Variants in UMAD1 observed in about 807,000 individuals in gnomAD.
The protein encoded by UMAD1 is UBAP1-MVB12-associated (UMA)-domain containing protein 1.
Under a neutral mutation model 6.1 loss-of-function variants are expected in UMAD1, and 8 were observed. That is an observed-to-expected ratio of 1.30 (90% CI 0.76 to 2.35). UMAD1 has a LOEUF of 2.35. Ranked by LOEUF, UMAD1 falls within the 30% of genes most tolerant of loss-of-function variation. The pLI is 0.00. For synonymous variants in UMAD1, 56 were observed against 31.4 expected, an observed-to-expected ratio of 1.78 and a Z score of -2.61; for missense variants, 130 against 78.4, an observed-to-expected ratio of 1.66 and a Z score of -2.49.
At chr7:7,698,103 A>C (rs748289996) in intron 2 of UMAD1, among the ~76,000 whole-genome samples, 2 of 152,216 alleles carry the variant, frequency 1.3e-5, no homozygotes, top group Non-Finnish European at 2.9e-5. Flanking sequence ...AATACTTACT[A>C]AATGCCCATG....
intron 2 of UMAD1, among the ~76,000 whole-genome samples, chr7:7,799,385 T>G (rs1782753782): frequency 6.6e-6 from 1 of 152,214 alleles, no homozygotes; most frequent in South Asian, 2.1e-4. Flanking sequence ...GCAGATGTGT[T>G]GTGTGAAGTT....
rs1784125849 is a variant in UMAD1, at chr7:7,862,006, A to C, written c.157-15275A>C. On this transcript the variant is annotated intron_variant, in intron 3 of 3. Coordinates refer to ENST00000682710, the MANE Select transcript of UMAD1 (RefSeq NM_001302348.2). Reference sequence around the variant, plus strand: ...TTCATTGTTGTTTGTCATAACATTTAATTATTTGTTCTTAAAAATATATAT... The same window carrying C: ...TTCATTGTTGTTTGTCATAACATTTCATTATTTGTTCTTAAAAATATATAT... Among the ~76,000 whole-genome samples the C allele has an allele frequency of 2.0e-5, 3 of 152,152 alleles. No individual in the cohort carries two copies. In the East Asian group the frequency reaches 5.8e-4, roughly 29 times the overall value.
intron 2 of UMAD1, among the ~76,000 whole-genome samples, chr7:7,770,726 G>A (rs1782083359): frequency 6.6e-6 from 1 of 152,082 alleles, no homozygotes; most frequent in African/African-American, 2.4e-5. Flanking sequence ...ATGAGGAGGT[G>A]CACATGTACC....
chr7:7,665,002 G>GAT (rs61708850), intron 1 of UMAD1, among the ~76,000 whole-genome samples: 33,921 of 151,172 alleles, frequency 0.22, 3,899 homozygotes, highest in South Asian at 0.26. Context: ...GTGATATATA[G>GAT]ATATATATAT....
At position 7,677,822 on chromosome 7, in the gene UMAD1, C is replaced by T. The variant is rs986113682; in HGVS notation, c.82+4369C>T. 2.2e-3 allele frequency among the ~76,000 whole-genome samples: 333 copies of T among 150,596 alleles called. 2 individuals are homozygous for T. The highest frequency in any genetic ancestry group is 7.7e-3 in the African/African-American group (316 of 41,044). On this transcript the variant is annotated intron_variant, in intron 2 of 3. Transcript: ENST00000682710. ...CCAAGTAGCTGGGACTACAGGCGCC[C>T]GCCACTACGCCCGGCTAATTTTTTG... is the stretch of plus-strand genomic sequence containing the variant.
chr7:7,641,346 C>T (rs1272283155), intron 1 of UMAD1, among the ~76,000 whole-genome samples: 1 of 152,138 alleles, frequency 6.6e-6, no homozygotes, highest in African/African-American at 2.4e-5. Context: ...CTAGGGGAGA[C>T]AAGCTTAAAT....
intron 1 of UMAD1, among the ~76,000 whole-genome samples, chr7:7,642,459 TG>T (rs1348905955): frequency 2.0e-5 from 2 of 102,284 alleles, no homozygotes; most frequent in East Asian, 5.5e-4. Context: ...GTGCGTACCC[TG>T]TAATAGTGAT....
intron 1 of UMAD1, among the ~76,000 whole-genome samples, chr7:7,649,652 T>G (rs1785178458): frequency 6.6e-6 from 1 of 152,044 alleles, no homozygotes; most frequent in Non-Finnish European, 1.5e-5. Flanking sequence ...CAGTCTGTGT[T>G]AATTTGAATG....
intron 3 of UMAD1, among the ~76,000 whole-genome samples, chr7:7,875,757 G>A (rs1481643142): frequency 1.3e-5 from 2 of 152,182 alleles, no homozygotes; most frequent in Non-Finnish European, 2.9e-5. Flanking sequence ...CACTGATCTA[G>A]GCATGTGGAA....
intron 2 of UMAD1, among the ~76,000 whole-genome samples, chr7:7,713,758 A>C (rs888456618): frequency 6.6e-6 from 1 of 152,156 alleles, no homozygotes; most frequent in South Asian, 2.1e-4. Context: ...AATGCTATTG[A>C]GCAGCTTCCA....
chr7:7,773,536 A>G (rs1782142116), intron 2 of UMAD1, among the ~76,000 whole-genome samples: 1 of 152,160 alleles, frequency 6.6e-6, no homozygotes, highest in Non-Finnish European at 1.5e-5. Flanking sequence ...ATGACTTTCA[A>G]GGTCAGAGGG....
rs74934999 is a variant in UMAD1 at position 7,752,024 on chromosome 7, A to G, written c.83-49646A>G. On this transcript the variant is annotated intron_variant, in intron 2 of 3. Transcript: ENST00000682710. The stretch of plus-strand genomic sequence containing the variant: ...TTGAAAGATATTTTGAAACATTTCA[A>G]TAAGACAAGGGAGAAATTATAGACT... Among the ~76,000 whole-genome samples, 93 of 152,342 alleles carry G rather than the reference A, an allele frequency of 6.1e-4. 2 individuals are homozygous for G. The East Asian group carries it at 0.011, about 18-fold the overall frequency.
chr7:7,830,577 A>G lies in UMAD1; in HGVS notation c.156+28834A>G, dbSNP rs11974817. 0.53 allele frequency among the ~76,000 whole-genome samples: 81,163 copies of G among 151,808 alleles called. 21,855 individuals are homozygous for G. The highest frequency in any genetic ancestry group is 0.59 in the African/African-American group (24,486 of 41,382). ...TCTGGGTGCCCAAAAACTGTGAGCC[A>G]ACTTCAAAGTGTGGAAACCACAGTC... On this transcript the variant is annotated intron_variant, in intron 3 of 3. Transcript: ENST00000682710. The surrounding 1 kb of genome is among the most constrained non-coding windows in gnomAD (Gnocchi z 5.3).
intron 3 of UMAD1, among the ~76,000 whole-genome samples, chr7:7,867,472 T>A (rs1269791966): frequency 1.3e-5 from 2 of 152,238 alleles, no homozygotes; most frequent in East Asian, 3.9e-4. Context: ...CAGCTAGACA[T>A]GTAGAAAACA....
intron 1 of UMAD1, among the ~76,000 whole-genome samples, chr7:7,648,086 A>G (rs1398499785): frequency 6.6e-6 from 1 of 152,170 alleles, no homozygotes; most frequent in Admixed American, 6.5e-5. Flanking sequence ...CTGGCCTGGG[A>G]GGTCTCAGCT....
intron 2 of UMAD1, among the ~76,000 whole-genome samples, chr7:7,783,535 G>A (rs144549969): frequency 1.1e-4 from 16 of 152,202 alleles, no homozygotes; most frequent in Admixed American, 7.2e-4. Context: ...TTATAAAATG[G>A]GTTTGGAAAT....
chr7:7,782,871 A>G (rs1458291304), intron 2 of UMAD1, among the ~76,000 whole-genome samples: 1 of 152,060 alleles, frequency 6.6e-6, no homozygotes, highest in East Asian at 1.9e-4. Flanking sequence ...CTGGGACTAC[A>G]GATGCACGCC....
chr7:7,661,015 T>G (rs1322432817), intron 1 of UMAD1, among the ~76,000 whole-genome samples: 1 of 151,998 alleles, frequency 6.6e-6, no homozygotes, highest in South Asian at 2.1e-4. Flanking sequence ...GATTGTTTTT[T>G]TTTTGTTTTG....
At chr7:7,693,169 T>C (rs1305456969) in intron 2 of UMAD1, among the ~76,000 whole-genome samples, 1 of 152,192 alleles carries the variant, frequency 6.6e-6, no homozygotes, top group East Asian at 1.9e-4. Flanking sequence ...CAGGGAGCTG[T>C]AGTTCTTCTA....
Sources: gnomAD v4.1 joint callset for allele counts (sites outside exome capture counted in the v4.1 genomes callset) on GRCh38, gnomAD v4.1.1 for gene constraint, Gnocchi (gnomAD v3.1) non-coding constraint, MANE v1.5 for transcripts, NCBI Gene and HGNC (gene_info 2026-07-23, HGNC 2026-07-21) for gene names.